The following ALDH1A2 variants were observed in gnomAD, a reference collection of about 807,000 sequenced individuals.
The protein encoded by ALDH1A2 is aldehyde dehydrogenase 1 family member A2.
Under a neutral mutation model 60.3 loss-of-function variants are expected in ALDH1A2, and 27 were observed. The ratio of observed to expected loss-of-function variants is 0.45; its 90% CI spans 0.33 to 0.62. ALDH1A2 has a LOEUF of 0.62. ALDH1A2 is among the 20% of genes least tolerant of loss of function. The pLI, the probability that ALDH1A2 is intolerant of heterozygous loss-of-function variation, is 0.02. For synonymous variants in ALDH1A2, 289 were observed against 232.4 expected, an observed-to-expected ratio of 1.24 and a Z score of -2.21; for missense variants, 581 against 643.8, an observed-to-expected ratio of 0.90 and a Z score of 1.06.
At chr15:58,013,819 A>G (rs1895706420) in intron 3 of ALDH1A2, 39 bp downstream of exon 3, 1 of 1,612,736 alleles carries the variant, frequency 6.2e-7, no homozygotes, top group Non-Finnish European at 8.5e-7. Context: ...AGAATGGCAA[A>G]TGTGGGTTAA....
In ALDH1A2 at chr15:58,023,531, A is replaced by C. The variant is rs192689671; in HGVS notation, c.118-9250T>G. Among the ~76,000 whole-genome samples, 465 of 152,250 alleles carry C rather than the reference A, an allele frequency of 3.1e-3. 3 individuals carry two copies. The highest frequency in any genetic ancestry group is 0.011 in the African/African-American group (445 of 41,546). On this transcript the variant is annotated intron_variant, in intron 1 of 12. Transcript: ENST00000249750. Reference sequence around the variant, plus strand: ...GTCTGAAGTCAATGATAAAGAGAAAATCCTAACAACAGCAACAGAAAAGCA... The same window carrying C: ...GTCTGAAGTCAATGATAAAGAGAAACTCCTAACAACAGCAACAGAAAAGCA...
intron 1 of ALDH1A2, among the ~76,000 whole-genome samples, chr15:58,044,174 T>G (rs1436744250): frequency 6.6e-6 from 1 of 151,994 alleles, no homozygotes; most frequent in Admixed American, 6.6e-5. Context: ...AGTTCTGGGA[T>G]ACATGTATAG....
intron 7 of ALDH1A2, among the ~76,000 whole-genome samples, chr15:57,975,999 T>A (rs1298350619): frequency 2.6e-5 from 4 of 152,210 alleles, no homozygotes. Flanking sequence ...TCAATTATAC[T>A]ACAATAAAGC....
At chr15:58,044,253 T>C (rs1896587435) in intron 1 of ALDH1A2, among the ~76,000 whole-genome samples, 1 of 151,980 alleles carries the variant, frequency 6.6e-6, no homozygotes, top group South Asian at 2.1e-4. Flanking sequence ...ACCTGTCATC[T>C]AGGTTTTAAA....
intron 1 of ALDH1A2, among the ~76,000 whole-genome samples, chr15:58,062,963 C>T (rs1897081411): frequency 6.6e-6 from 1 of 152,156 alleles, no homozygotes; most frequent in African/African-American, 2.4e-5. Flanking sequence ...GGACCTCTAG[C>T]AGGCAAAGGC....
At chr15:58,026,924 C>G (rs1208194211) in intron 1 of ALDH1A2, among the ~76,000 whole-genome samples, 1 of 152,238 alleles carries the variant, frequency 6.6e-6, no homozygotes, top group Non-Finnish European at 1.5e-5. Context: ...CCTCTCTAGA[C>G]TCCACCTCTG....
rs545423690 is a variant in ALDH1A2 at position 57,962,704 on chromosome 15, C to CAA, written c.1087-530_1087-529dup. Among the ~76,000 whole-genome samples the CAA allele has an allele frequency of 1.8e-3, 266 of 148,916 alleles. 1 individual carries two copies. Among genetic ancestry groups the CAA allele is most frequent in the Admixed American group, 0.011 (161 of 14,980 alleles). On this transcript the variant is annotated intron_variant, in intron 9 of 12. Transcript: ENST00000249750. ...AGAGTGAAGGATGAGCTTCCTAGTC[C>CAA]AAAAAAAAACAAGGTCAGTCTTCCC...
At chr15:57,984,060 G>T (rs548594581) in intron 7 of ALDH1A2, among the ~76,000 whole-genome samples, 1 of 152,188 alleles carries the variant, frequency 6.6e-6, no homozygotes, top group Non-Finnish European at 1.5e-5. Context: ...ATGTCATTCC[G>T]AATTTTAATG....
At chr15:58,022,261 C>A (rs767445066) in intron 1 of ALDH1A2, among the ~76,000 whole-genome samples, 1 of 152,128 alleles carries the variant, frequency 6.6e-6, no homozygotes, top group African/African-American at 2.4e-5. Flanking sequence ...CAATCTACCA[C>A]CTTGGGTACC....
rs139225157 is a variant in ALDH1A2, at chr15:58,003,481, A to C, written c.493+7168T>G. Among the ~76,000 whole-genome samples the C allele has an allele frequency of 2.6e-5, 4 of 152,090 alleles. No individual in the cohort carries two copies. In the East Asian group the frequency reaches 7.8e-4, roughly 29 times the overall value. ...GGAAGAGGGTGAAATGGAAAGTTATATATGACCTGGGTAGTTTTTAACCTT... is the reference window on the plus strand; with the variant it reads ...GGAAGAGGGTGAAATGGAAAGTTATCTATGACCTGGGTAGTTTTTAACCTT... On this transcript the variant is annotated intron_variant, in intron 4 of 12. Transcript: ENST00000249750.
chr15:58,014,146 A>G lies in ALDH1A2; in HGVS notation c.222+31T>C, dbSNP rs775318603. On this transcript the variant is annotated intron_variant, in intron 2 of 12. Coordinates refer to ENST00000249750, the MANE Select transcript of ALDH1A2 (RefSeq NM_003888.4). ...TCTGCTGTTTGAAGGCAGTTATTTC[A>G]TAGGAAATCTTTTATCTACAAAAGA... is the stretch of plus-strand genomic sequence containing the variant. 7 of 1,614,034 alleles carry G rather than the reference A, an allele frequency of 4.3e-6. No homozygotes were observed. In the East Asian group the frequency reaches 1.6e-4, roughly 36 times the overall value.
In ALDH1A2 at chr15:58,003,583, C is replaced by A. The variant is rs1595659120; in HGVS notation, c.493+7066G>T. Among the ~76,000 whole-genome samples, 7 of 151,894 alleles carry A rather than the reference C, an allele frequency of 4.6e-5. No individual in the cohort carries two copies. The South Asian group carries it at 1.4e-3, about 31-fold the overall frequency. On this transcript the variant is annotated intron_variant, in intron 4 of 12. Transcript: ENST00000249750. ...AAACATGGACATTTTTTTCTGCTTA[C>A]ATAAAATCAGTAAAATCAACACTTG...
rs575291021 is a variant in ALDH1A2 at position 57,968,978 on chromosome 15, C to T, written c.799-3151G>A. 1.6e-4 allele frequency among the ~76,000 whole-genome samples: 23 copies of T among 147,216 alleles called. No homozygotes were observed. The South Asian group carries it at 3.4e-3, about 21-fold the overall frequency. On this transcript the variant is annotated intron_variant, in intron 7 of 12. Transcript: ENST00000249750. The stretch of plus-strand genomic sequence containing the variant: ...CCTTTCCTTAGAAAACAAATTTGTG[C>T]GCTGCACCCACTAACTCGGTAAACA...
At chr15:58,063,940 G>A (rs746855721) in intron 1 of ALDH1A2, among the ~76,000 whole-genome samples, 1 of 151,592 alleles carries the variant, frequency 6.6e-6, no homozygotes, top group Non-Finnish European at 1.5e-5. Flanking sequence ...GAGAGAGGGG[G>A]TAGTTAGGGA....
At chr15:57,961,095 T>C (rs1893701509) in intron 11 of ALDH1A2, 42 bp downstream of exon 11, 8 of 1,610,440 alleles carry the variant, frequency 5.0e-6, no homozygotes, top group Middle Eastern at 1.7e-4. Context: ...CTGGTCCCTA[T>C]ACCACCAGTG....
intron 1 of ALDH1A2, among the ~76,000 whole-genome samples, chr15:58,023,650 A>T (rs1359571454): frequency 1.3e-5 from 2 of 151,126 alleles, no homozygotes; most frequent in African/African-American, 4.9e-5. Flanking sequence ...GTATATTCAA[A>T]GTGCTGGGAA....
At chr15:58,016,722 CTCA>C (rs1895798675) in intron 1 of ALDH1A2, among the ~76,000 whole-genome samples, 1 of 151,960 alleles carries the variant, frequency 6.6e-6, no homozygotes, top group African/African-American at 2.4e-5. Flanking sequence ...TTCATCATCA[CTCA>C]TCAATTATTT....
At chr15:58,059,572 A>G (rs1236556808) in intron 1 of ALDH1A2, among the ~76,000 whole-genome samples, 4 of 152,174 alleles carry the variant, frequency 2.6e-5, no homozygotes, top group African/African-American at 9.7e-5. Context: ...TTGTATTTTT[A>G]TCCTAACTAC....
chr15:57,985,883 A>G (rs1894683418), intron 7 of ALDH1A2, among the ~76,000 whole-genome samples: 1 of 152,230 alleles, frequency 6.6e-6, no homozygotes, highest in South Asian at 2.1e-4. Context: ...GTTACTTATG[A>G]GAGTAAAGTA....
Sources: gnomAD v4.1 joint callset for allele counts (sites outside exome capture counted in the v4.1 genomes callset) on GRCh38, gnomAD v4.1.1 for gene constraint, MANE v1.5 for transcripts, NCBI Gene and HGNC (gene_info 2026-07-23, HGNC 2026-07-21) for gene names.